Variants in FAT1 observed in about 807,000 individuals in gnomAD.
The protein encoded by FAT1 is FAT atypical cadherin 1.
FAT1 carries 171 observed loss-of-function variants against 329.8 expected under a neutral mutation model. The observed-to-expected ratio is 0.52, with a 90% CI of 0.46 to 0.59. The LOEUF is 0.59. Ranked by LOEUF, FAT1 falls within the 20% of genes least tolerant of loss-of-function variation. The pLI, the probability that FAT1 is intolerant of heterozygous loss-of-function variation, is 0.00. For synonymous variants in FAT1, 2,233 were observed against 2,228.6 expected (o/e 1.00, Z -0.06); for missense variants, 5,672 against 5,774.4 (o/e 0.98, Z 0.57).
Position 186,615,387 on chromosome 4 carries a change from A to G in FAT1, c.9076-1043T>C, listed in dbSNP as rs974065810. ...CCTATCACTTTCCACAGCCACAAGC[A>G]TCTCAGACTCACAGAACCTGTGGTG... On this transcript the variant is annotated intron_variant, in intron 11 of 26. Transcript: ENST00000441802. Among the ~76,000 whole-genome samples, 3 of 152,150 alleles carry G rather than the reference A, an allele frequency of 2.0e-5. No homozygotes were observed. In the South Asian group the frequency reaches 6.2e-4, roughly 31 times the overall value.
At chr4:186,681,613 A>C (rs1040347081) in intron 2 of FAT1, among the ~76,000 whole-genome samples, 5 of 152,224 alleles carry the variant, frequency 3.3e-5, no homozygotes, top group African/African-American at 1.2e-4. Flanking sequence ...TGCAGCACAG[A>C]AGAAAGTCAG....
chr4:186,625,569 T>C (rs1320006547), intron 9 of FAT1, among the ~76,000 whole-genome samples: 1 of 152,214 alleles, frequency 6.6e-6, no homozygotes, highest in Admixed American at 6.5e-5. Flanking sequence ...AGAGACAATT[T>C]CTAAATATGT....
rs2126385307 is a variant in FAT1, at chr4:186,596,475, C to T, written c.13000+65G>A. 6.6e-7 allele frequency: 1 copy of T among 1,524,720 alleles called. No homozygotes were observed. 94.4% of individuals were successfully genotyped at this position (1,524,720 alleles called of 1,614,324 possible). A position where few individuals can be genotyped will look rare whatever the true frequency, so the allele number is the denominator to read the frequency against. On this transcript the variant is annotated intron_variant, in intron 25 of 26. Transcript: ENST00000441802. This position sits in a 1 kb window ranked among gnomAD's most constrained non-coding sequence, Gnocchi z 4.7. ...GAAGAGTACACACATTTTGACTGGA[C>T]AGAATTTGTAACCTCACTGTTTATC... is the stretch of plus-strand genomic sequence containing the variant.
chr4:186,678,435 A>AATATAATAATAAATAAATATTTATTATT (rs1743048179), intron 2 of FAT1, among the ~76,000 whole-genome samples: 1 of 149,792 alleles, frequency 6.7e-6, no homozygotes, highest in Non-Finnish European at 1.5e-5. Flanking sequence ...AATTTATTAT[A>AATATAATAATAAATAAATATTTATTATT]ATATAATAAT....
At chr4:186,697,014 G>A (rs761745932) in intron 2 of FAT1, among the ~76,000 whole-genome samples, 45 of 152,154 alleles carry the variant, frequency 3.0e-4, no homozygotes, top group Non-Finnish European at 4.4e-4. Context: ...TGGCAACAAA[G>A]CAAGACTCTG....
chr4:186,700,131 C>T (rs1047051491), intron 2 of FAT1, among the ~76,000 whole-genome samples: 1 of 152,126 alleles, frequency 6.6e-6, no homozygotes, highest in Non-Finnish European at 1.5e-5. Context: ...GGCAAGAGAA[C>T]GATGGCCTCA....
At position 186,707,135 on chromosome 4, in the gene FAT1, C is replaced by T. The variant is rs779751062; in HGVS notation, c.2693G>A (p.Arg898Lys). Residue 898 changes from arginine to lysine, a missense_variant, in exon 2 of 27, where the codon AGG (arginine) becomes AAG (lysine). By Grantham distance (26) the Arg-to-Lys change is conservative. Around this residue, in one of 2 missense-constraint regions of FAT1, gnomAD observed 3,966 missense variants for 3,915.2 expected, o/e 1.01. Transcript: ENST00000441802. ...CTGAGGCTCTTCTCTGGCTTGGTCC[C>T]TGGCCTCAATCTTTAAGGAGTGCTC... The part of the protein sequence containing the change: ...QHEHSLKIEA[R>K]DQAREEPQLF... The T allele has an allele frequency of 1.1e-4, 180 of 1,613,828 alleles. No individual in the cohort carries two copies. Among genetic ancestry groups the T allele is most frequent in the Non-Finnish European group, 1.5e-4 (175 of 1,179,884 alleles).
intron 14 of FAT1, among the ~76,000 whole-genome samples, chr4:186,610,642 ATAATTTATATAAATATAAAT>A (rs534379863): frequency 0.14 from 17,894 of 123,930 alleles, 1,533 homozygotes; most frequent in East Asian, 0.37. Flanking sequence ...TATAATTTAT[ATAATTTATATAAATATAAAT>A]TATATAATTT....
chr4:186,600,859 C>A (rs78050432), intron 21 of FAT1, among the ~76,000 whole-genome samples: 1 of 152,128 alleles, frequency 6.6e-6, no homozygotes. Flanking sequence ...TACAGGCGTC[C>A]GCCACCAAGT....
At chr4:186,593,854 C>T (rs1738360772) in intron 26 of FAT1, among the ~76,000 whole-genome samples, 1 of 152,044 alleles carries the variant, frequency 6.6e-6, no homozygotes, top group South Asian at 2.1e-4. Context: ...TTGTTTTAGG[C>T]CACAAAGTTT....
intron 3 of FAT1, among the ~76,000 whole-genome samples, chr4:186,650,247 G>T (rs1161970497): frequency 1.3e-5 from 2 of 151,966 alleles, no homozygotes; most frequent in African/African-American, 4.8e-5. Flanking sequence ...TAAGTCTTTT[G>T]TTTTCAGTTA....
Position 186,645,411 on chromosome 4 carries a change from AT to A in FAT1, c.3581-5629del, listed in dbSNP as rs1560962502. ...TATATATATATATATATATATATAT[AT>A]ATATATATATGCCTGTAAAAAACTG... is the stretch of plus-strand genomic sequence containing the variant. On this transcript the variant is annotated intron_variant, in intron 3 of 26. Transcript: ENST00000441802. Among the ~76,000 whole-genome samples the A allele has an allele frequency of 9.5e-4, 80 of 84,654 alleles. 1 individual carries two copies. Among genetic ancestry groups the A allele is most frequent in the African/African-American group, 3.8e-3 (76 of 20,124 alleles). 55.5% of individuals were successfully genotyped at this position (84,654 alleles called of 152,430 possible). A position where few individuals can be genotyped will look rare whatever the true frequency, so the allele number is the denominator to read the frequency against.
At position 186,636,634 on chromosome 4, in the gene FAT1, A is replaced by G. The variant is rs1232698683; in HGVS notation, c.3923T>C (p.Val1308Ala). The change falls in exon 5 of 27, where the codon GTG becomes GCG. Residue 1308 changes from valine to alanine, a missense_variant. By Grantham distance (64) the Val-to-Ala change is moderately conservative. This residue lies in a region of FAT1 where 3,966 missense variants were observed against 3,915.2 expected (regional missense o/e 1.01). Transcript: ENST00000441802. Reference sequence around the variant, plus strand: ...TGCTGAAAACCTCTTGGACGAAACCACTCCAGTTTTCGGTTCGATGAAAAA... The same window carrying G: ...TGCTGAAAACCTCTTGGACGAAACCGCTCCAGTTTTCGGTTCGATGAAAAA... ...GKFFIEPKTG[V>A]VSSKRFSAAG... is the part of the protein sequence containing the mutation. 2 of 1,613,694 alleles carry G rather than the reference A, an allele frequency of 1.2e-6. No individual in the cohort carries two copies. The highest frequency in any genetic ancestry group is 1.7e-6 in the Non-Finnish European group (2 of 1,179,818).
chr4:186,620,759 G>A lies in FAT1; in HGVS notation c.5827C>T (p.Gln1943Ter), dbSNP rs755889337. 3 of 1,613,892 alleles carry A rather than the reference G, an allele frequency of 1.9e-6. No individual in the cohort carries two copies. Among genetic ancestry groups the A allele is most frequent in the African/African-American group, 1.3e-5 (1 of 74,926 alleles). The change falls in exon 10 of 27, where the codon CAG becomes TAG. Residue 1943 changes from glutamine to a stop codon, truncating the protein, a stop_gained. Coordinates refer to ENST00000441802, the MANE Select transcript of FAT1 (RefSeq NM_005245.4). LOFTEE classifies it high-confidence loss of function. ...TGALTVQNTT[Q>*]LRSRYELTVR... Reference sequence around the variant, plus strand: ...GTTAGCTCGTAGCGGCTTCTTAACTGAGTTGTGTTTTGGACAGTGAGAGCA... The same window carrying A: ...GTTAGCTCGTAGCGGCTTCTTAACTAAGTTGTGTTTTGGACAGTGAGAGCA...
rs1227522686 is a variant in FAT1, at chr4:186,707,849, T to C, written c.1979A>G (p.Asn660Ser). 2.5e-6 allele frequency: 4 copies of C among 1,613,764 alleles called. No individual in the cohort carries two copies. The highest frequency in any genetic ancestry group is 1.7e-5 in the Admixed American group (1 of 60,006). Reference sequence around the variant, plus strand: ...CTTGTGACTGGCAGCCACTGTTATGTTGATATATAATGGTGTGGCAAAATT... The same window carrying C: ...CTTGTGACTGGCAGCCACTGTTATGCTGATATATAATGGTGTGGCAAAATT... ...GENFATPLYI[N>S]ITVAASHKLV... The change falls in exon 2 of 27, where the codon AAC becomes AGC. Residue 660 changes from asparagine to serine, a missense_variant. Transcript: ENST00000441802.
At chr4:186,631,220 T>A (rs1740570481) in intron 7 of FAT1, among the ~76,000 whole-genome samples, 1 of 151,812 alleles carries the variant, frequency 6.6e-6, no homozygotes, top group Non-Finnish European at 1.5e-5. Flanking sequence ...GTGTCTCACC[T>A]CCCAGCTGAC....
Position 186,611,457 on chromosome 4 carries a change from G to C in FAT1, c.9782C>G (p.Ala3261Gly), listed in dbSNP as rs372612249. The change falls in exon 14 of 27, where the codon GCA becomes GGA. Residue 3261 changes from alanine to glycine, a missense_variant. Ala to Gly is a moderately conservative substitution (Grantham distance 60). Around this residue, in one of 2 missense-constraint regions of FAT1, gnomAD observed 1,706 missense variants for 1,859.1 expected, o/e 0.92. Transcript: ENST00000441802. Reference protein sequence around the residue: ...QVYAASRDIEANAEITYSIIS... With the variant: ...QVYAASRDIEGNAEITYSIIS... ...TATTGAGTAGGTGATTTCTGCATTT[G>C]CTTCAATATCCCGACTTGCTGCATA... The C allele has an allele frequency of 9.3e-6, 15 of 1,613,712 alleles. No homozygotes were observed. In the African/African-American group the frequency reaches 2.0e-4, roughly 22 times the overall value.
At chr4:186,711,896 G>A (rs1357624268) in intron 1 of FAT1, among the ~76,000 whole-genome samples, 3 of 152,126 alleles carry the variant, frequency 2.0e-5, no homozygotes, top group African/African-American at 7.2e-5. Flanking sequence ...CTCCAGCCTG[G>A]GCAACAGAGC....
chr4:186,633,963 A>G (rs1740708548), intron 6 of FAT1, 140 bp from the exon 7 acceptor site: 1 of 857,462 alleles, frequency 1.2e-6, no homozygotes. Context: ...ATTTTGAAAG[A>G]AAAGAGTGGC....
Sources: gnomAD v4.1 joint callset for allele counts (sites outside exome capture counted in the v4.1 genomes callset) on GRCh38, gnomAD v4.1.1 for gene constraint, gnomAD v4.1.1 regional missense constraint, Gnocchi (gnomAD v3.1) non-coding constraint, MANE v1.5 for transcripts, NCBI Gene and HGNC (gene_info 2026-07-23, HGNC 2026-07-21) for gene names.